Variants in INTS6 observed in about 807,000 individuals in gnomAD.
INTS6 encodes the protein DEAD box protein.
In INTS6, 16 loss-of-function variants were observed where a neutral mutation model predicts 104.9. That is an observed-to-expected ratio of 0.15 (90% CI 0.10 to 0.23). INTS6 has a LOEUF of 0.23. INTS6 is among the 10% of genes least tolerant of loss of function. The pLI is 1.00. For synonymous variants in INTS6, 324 were observed against 358.7 expected (o/e 0.90, Z 1.09); for missense variants, 584 against 1,062.8 (o/e 0.55, Z 6.26).
At position 51,452,826 on chromosome 13, in the gene INTS6, C is replaced by A; in HGVS notation, c.-301G>T. The A allele has an allele frequency of 8.6e-7, 1 of 1,165,598 alleles. No homozygotes were observed. Among genetic ancestry groups the A allele is most frequent in the African/African-American group, 1.7e-5 (1 of 60,548 alleles). 72.2% of individuals were successfully genotyped at this position (1,165,598 alleles called of 1,614,324 possible). ...TTCGTCCCCCCCGCCTCGGGGGTCC[C>A]GTCCCCGCTCCCGGCCCCTGTGTGT... is the stretch of plus-strand genomic sequence containing the variant. On this transcript the variant is annotated 5_prime_UTR_variant, in exon 1 of 18. Coordinates refer to ENST00000311234, the MANE Select transcript of INTS6 (RefSeq NM_012141.3). This position sits in a 1 kb window ranked among gnomAD's most constrained non-coding sequence, Gnocchi z 4.2.
chr13:51,424,021 G>C (rs953648866), intron 4 of INTS6, among the ~76,000 whole-genome samples: 5 of 151,976 alleles, frequency 3.3e-5, no homozygotes, highest in African/African-American at 1.2e-4. Flanking sequence ...GGCACACCAG[G>C]TGATTTTGAT....
chr13:51,347,039 G>T, the INTS6 span: 1 of 1,583,916 alleles, frequency 6.3e-7, no homozygotes, highest in Non-Finnish European at 8.6e-7. Context: ...GGGCCCCAGT[G>T]AGGGCCCTGG....
intron 2 of INTS6, 102 bp downstream of exon 2, chr13:51,451,876 G>C: frequency 1.4e-6 from 1 of 732,710 alleles, no homozygotes; most frequent in East Asian, 2.9e-5. Flanking sequence ...GCAGCGGGTG[G>C]GGGAGGGGAG....
intron 3 of INTS6, among the ~76,000 whole-genome samples, chr13:51,431,220 G>C (rs1488967541): frequency 6.6e-6 from 1 of 152,140 alleles, no homozygotes; most frequent in Non-Finnish European, 1.5e-5. Context: ...ACAGAACTAA[G>C]ACCAAAGGAT....
intron 4 of INTS6, among the ~76,000 whole-genome samples, chr13:51,415,307 CTTCT>C (rs1416977383): frequency 6.6e-6 from 1 of 152,120 alleles, no homozygotes; most frequent in East Asian, 1.9e-4. Context: ...GTCACATTTA[CTTCT>C]TTCTCTTTTA....
intron 4 of INTS6, among the ~76,000 whole-genome samples, chr13:51,425,656 A>G (rs1956971333): frequency 6.6e-6 from 1 of 152,122 alleles, no homozygotes; most frequent in Non-Finnish European, 1.5e-5. Flanking sequence ...TTCATTAGCC[A>G]TGTGTTCCTG....
chr13:51,356,260 T>G (rs1200479504), intron 3 of INTS6, among the ~76,000 whole-genome samples: 1 of 152,080 alleles, frequency 6.6e-6, no homozygotes, highest in Non-Finnish European at 1.5e-5. Context: ...GTAAATACTG[T>G]TGACTTGGTC....
At chr13:51,445,912 C>A (rs1232919981) in intron 3 of INTS6, 1 of 152,096 alleles carries the variant, frequency 6.6e-6, no homozygotes, top group Non-Finnish European at 1.5e-5. Context: ...TTACCTTATA[C>A]CATATACAAA....
chr13:51,421,665 G>C (rs1956897941), intron 4 of INTS6, among the ~76,000 whole-genome samples: 1 of 152,134 alleles, frequency 6.6e-6, no homozygotes, highest in African/African-American at 2.4e-5. Context: ...AGCAGCCTAA[G>C]GGTTATTTAC....
chr13:51,347,380 G>A, the INTS6 span: 1 of 700,192 alleles, frequency 1.4e-6, no homozygotes, highest in Non-Finnish European at 2.4e-6. Flanking sequence ...ATGGCGGAAG[G>A]AAAGACTAAG....
At chr13:51,390,295 G>GA (rs1300697999) in intron 5 of INTS6, among the ~76,000 whole-genome samples, 1 of 151,670 alleles carries the variant, frequency 6.6e-6, no homozygotes, top group Non-Finnish European at 1.5e-5. Context: ...GACTTAGTAT[G>GA]AAAAAATATA....
intron 4 of INTS6, 55 bp from the exon 5 acceptor site, chr13:51,395,538 A>G: frequency 6.7e-7 from 1 of 1,492,898 alleles, no homozygotes; most frequent in Non-Finnish European, 9.0e-7. Flanking sequence ...TTTTTTCAAA[A>G]AGCCTACTTT....
At chr13:51,356,529 AT>A (rs1037185281) in intron 3 of INTS6, among the ~76,000 whole-genome samples, 4 of 152,052 alleles carry the variant, frequency 2.6e-5, no homozygotes, top group African/African-American at 9.7e-5. Flanking sequence ...ACATCGCTGT[AT>A]TTTCTTCTAC....
rs190938759 is a variant in INTS6, at chr13:51,453,030, C to T, written c.-505G>A. The T allele has an allele frequency of 5.4e-5, 55 of 1,009,506 alleles. No individual in the cohort carries two copies. The highest frequency in any genetic ancestry group is 3.0e-4 in the Admixed American group (5 of 16,580). The allele number at this position is 1,009,506 out of a possible 1,614,324, so 62.5% of individuals were successfully genotyped here. A position where few individuals can be genotyped will look rare whatever the true frequency, so the allele number is the denominator to read the frequency against. ...ACCACTTTCTCAGCCCCTCTCGCTA[C>T]TGAAGCGCTTTTCTCTCTCACACTC... is the stretch of plus-strand genomic sequence containing the variant. On this transcript the variant is annotated 5_prime_UTR_variant, in exon 1 of 18. Transcript: ENST00000311234.
chr13:51,411,524 G>C (rs953629010), intron 4 of INTS6, among the ~76,000 whole-genome samples: 1 of 151,354 alleles, frequency 6.6e-6, no homozygotes, highest in East Asian at 1.9e-4. Context: ...TTGCACTCCA[G>C]TCTGGGTGGC....
At chr13:51,405,612 A>T (rs544582988) in intron 4 of INTS6, among the ~76,000 whole-genome samples, 1 of 152,230 alleles carries the variant, frequency 6.6e-6, no homozygotes, top group South Asian at 2.1e-4. Flanking sequence ...ACTCCGAAGC[A>T]CTCAAAGGTA....
At chr13:51,383,873 T>G (rs78963599) in intron 7 of INTS6, 132 bp from the exon 8 acceptor site, 8,581 of 615,700 alleles carry the variant, frequency 0.014, 159 homozygotes, top group East Asian at 0.066. Context: ...AAAAGCAACA[T>G]TAAGCTGAAA....
At chr13:51,402,052 C>T (rs1001087963) in intron 4 of INTS6, among the ~76,000 whole-genome samples, 10 of 152,036 alleles carry the variant, frequency 6.6e-5, no homozygotes, top group African/African-American at 2.2e-4. Context: ...TTATAATGCA[C>T]GGTCCTATGC....
At chr13:51,369,470 C>T (rs139942255) in intron 15 of INTS6, among the ~76,000 whole-genome samples, 160 bp from the exon 16 acceptor site, 299 of 152,160 alleles carry the variant, frequency 2.0e-3, no homozygotes, top group African/African-American at 6.8e-3. Flanking sequence ...GCCAAAGATA[C>T]GGTAGATTTC....
Sources: allele counts gnomAD v4.1 joint callset (sites outside exome capture counted in the v4.1 genomes callset), GRCh38; gene constraint gnomAD v4.1.1; non-coding constraint Gnocchi (gnomAD v3.1); transcripts MANE v1.5; gene names NCBI Gene and HGNC (gene_info 2026-07-23, HGNC 2026-07-21).